ARHGEF28: variants seen among roughly 807,000 people sequenced by gnomAD.
The protein encoded by ARHGEF28 is 190 kDa guanine nucleotide exchange factor.
Under a neutral mutation model 206.6 loss-of-function variants are expected in ARHGEF28, and 152 were observed. The ratio of observed to expected loss-of-function variants is 0.74; its 90% CI spans 0.64 to 0.84. The LOEUF (loss-of-function observed/expected upper bound fraction) is 0.84, where lower values mean the gene tolerates loss of function less well. Among genes scored for constraint, ARHGEF28 ranks in the 40% least tolerant of loss-of-function variants. ARHGEF28 has a pLI of 0.00. For missense variants in ARHGEF28, 2,028 were observed against 2,073.2 expected (o/e 0.98, Z 0.42); for synonymous variants, 763 against 776.4 (o/e 0.98, Z 0.29).
chr5:73,643,175 A>T (rs1054350993), intron 1 of ARHGEF28, among the ~76,000 whole-genome samples: 11 of 152,226 alleles, frequency 7.2e-5, no homozygotes, highest in African/African-American at 2.7e-4. Flanking sequence ...GATGTTAAAG[A>T]CCAAAACAAA....
In ARHGEF28 at chr5:73,849,037, T is replaced by C. The variant is rs1297342516; in HGVS notation, c.1697T>C (p.Leu566Ser). The change falls in exon 13 of 36, where the codon TTA becomes TCA. Residue 566 changes from leucine to serine, a missense_variant. Coordinates refer to ENST00000513042, the MANE Select transcript of ARHGEF28 (RefSeq NM_001177693.2). ...TCTTGCTCATCACCCAAAATTTCTT[T>C]AGGAAAAACTCGTTTGGTGCGTGAA... ...SYSCSSPKIS[L>S]GKTRLVRELT... 3.2e-6 allele frequency: 5 copies of C among 1,579,342 alleles called. No homozygotes were observed. Among genetic ancestry groups the C allele is most frequent in the Non-Finnish European group, 4.3e-6 (5 of 1,160,480 alleles).
chr5:73,871,022 C>T (rs1760074987), intron 21 of ARHGEF28, among the ~76,000 whole-genome samples: 1 of 152,152 alleles, frequency 6.6e-6, no homozygotes, highest in Non-Finnish European at 1.5e-5. Flanking sequence ...TATGAGTGTG[C>T]TTAGAACTCT....
In ARHGEF28 at chr5:73,665,716, A is replaced by G. The variant is rs544912058; in HGVS notation, c.-11-19125A>G. ...TCATGATAATAAACCCACACCCATGATAATGACATTAATCCATTCATGAGG... is the reference window on the plus strand; with the variant it reads ...TCATGATAATAAACCCACACCCATGGTAATGACATTAATCCATTCATGAGG... On this transcript the variant is annotated intron_variant, in intron 1 of 35. Coordinates refer to ENST00000513042, the MANE Select transcript of ARHGEF28 (RefSeq NM_001177693.2). 3.3e-5 allele frequency among the ~76,000 whole-genome samples: 5 copies of G among 152,226 alleles called. No individual in the cohort carries two copies. The East Asian group carries it at 9.7e-4, about 29-fold the overall frequency.
chr5:73,741,028 C>T (rs1751345771), intron 2 of ARHGEF28, among the ~76,000 whole-genome samples: 1 of 152,112 alleles, frequency 6.6e-6, no homozygotes, highest in Admixed American at 6.6e-5. Flanking sequence ...AGAGTGATTA[C>T]AATTTTTCTT....
intron 35 of ARHGEF28, among the ~76,000 whole-genome samples, chr5:73,914,896 A>G (rs1763121223): frequency 6.6e-6 from 1 of 152,132 alleles, no homozygotes; most frequent in African/African-American, 2.4e-5. Flanking sequence ...GACTTGCACT[A>G]TGCCCAGCTA....
chr5:73,863,408 A>G lies in ARHGEF28; in HGVS notation c.2048-1409A>G, dbSNP rs544308877. ...TTCGTTGTATGACATCTATTTTATA[A>G]TTATACGCTTCCTCTTCTCCATATT... On this transcript the variant is annotated intron_variant, in intron 16 of 35. Coordinates refer to ENST00000513042, the MANE Select transcript of ARHGEF28 (RefSeq NM_001177693.2). 3.9e-5 allele frequency: 6 copies of G among 152,188 alleles called. No homozygotes were observed. In the South Asian group the frequency reaches 1.2e-3, roughly 32 times the overall value. The allele number at this position is 152,188 out of a possible 1,614,324, so 9.4% of individuals were successfully genotyped here.
intron 2 of ARHGEF28, among the ~76,000 whole-genome samples, chr5:73,709,760 T>C (rs1291143216): frequency 6.6e-6 from 1 of 152,192 alleles, no homozygotes; most frequent in Non-Finnish European, 1.5e-5. Context: ...TCATGAGCTG[T>C]TTGCTCATAG....
chr5:73,894,763 A>C (rs72772588), intron 29 of ARHGEF28, among the ~76,000 whole-genome samples, 188 bp downstream of exon 29: 1 of 152,366 alleles, frequency 6.6e-6, no homozygotes, highest in Non-Finnish European at 1.5e-5. Flanking sequence ...GGTTGTATCA[A>C]GTGCTATGAA....
At chr5:73,932,683 T>G (rs1764189128) in intron 35 of ARHGEF28, among the ~76,000 whole-genome samples, 2 of 152,116 alleles carry the variant, frequency 1.3e-5, no homozygotes, top group Admixed American at 6.5e-5. Flanking sequence ...ATTTTCAAAT[T>G]AAGTATTCAC....
intron 9 of ARHGEF28, among the ~76,000 whole-genome samples, chr5:73,801,065 A>G (rs949053107): frequency 2.0e-5 from 3 of 152,204 alleles, no homozygotes; most frequent in Non-Finnish European, 2.9e-5. Context: ...TTCTTATATT[A>G]ACCAAAAGTT....
chr5:73,872,945 C>A, intron 21 of ARHGEF28, 54 bp from the exon 22 acceptor site: 1 of 1,585,482 alleles, frequency 6.3e-7, no homozygotes, highest in Non-Finnish European at 8.6e-7. Flanking sequence ...AGTTTAATAG[C>A]GAAACTTGCT....
At chr5:73,773,810 T>C in intron 4 of ARHGEF28, 45 bp from the exon 5 acceptor site, 1 of 1,488,692 alleles carries the variant, frequency 6.7e-7, no homozygotes, top group South Asian at 1.4e-5. Context: ...AAAACAAACT[T>C]TGTAAATGGA....
intron 20 of ARHGEF28, 141 bp from the exon 21 acceptor site, chr5:73,869,928 C>A: frequency 1.0e-6 from 1 of 979,378 alleles, no homozygotes; most frequent in Non-Finnish European, 1.5e-6. Context: ...ATGTTTCACT[C>A]CATGTTAATA....
intron 1 of ARHGEF28, among the ~76,000 whole-genome samples, chr5:73,658,060 A>G (rs1386145395): frequency 6.6e-6 from 1 of 152,148 alleles, no homozygotes; most frequent in Admixed American, 6.5e-5. Flanking sequence ...ATTCTGAAAC[A>G]GAGTCCATCC....
chr5:73,748,652 G>T (rs764061536), intron 2 of ARHGEF28, among the ~76,000 whole-genome samples: 2 of 152,052 alleles, frequency 1.3e-5, no homozygotes, highest in African/African-American at 2.4e-5. Flanking sequence ...ATATCTTGGC[G>T]AGCAGGTTTG....
rs762064040 is a variant in ARHGEF28 at position 73,776,677 on chromosome 5, A to G, written c.821A>G (p.Asp274Gly). Residue 274 changes from aspartate to glycine, a missense_variant, in exon 6 of 36, where the codon GAT becomes GGT. Asp to Gly is a moderately conservative substitution (Grantham distance 94, BLOSUM62 -1). Transcript: ENST00000513042. Reference sequence around the variant, plus strand: ...AAACTCTTCCGGAAATACTTTTGGGATAGAGCCTTTCTTGTCAAGGTTTGT... The same window carrying G: ...AAACTCTTCCGGAAATACTTTTGGGGTAGAGCCTTTCTTGTCAAGGTTTGT... Reference protein sequence around the residue: ...DIKLFRKYFWDRAFLVKAFEP... With the variant: ...DIKLFRKYFWGRAFLVKAFEP... 4 of 1,613,102 alleles carry G rather than the reference A, an allele frequency of 2.5e-6. No individual in the cohort carries two copies. Among genetic ancestry groups the G allele is most frequent in the East Asian group, 4.5e-5 (2 of 44,884 alleles).
At chr5:73,705,324 C>T (rs543831332) in intron 2 of ARHGEF28, among the ~76,000 whole-genome samples, 103 of 152,318 alleles carry the variant, frequency 6.8e-4, no homozygotes, top group African/African-American at 2.2e-3. Context: ...TTACACTCTT[C>T]CTCCTCTGTT....
chr5:73,683,608 G>A (rs888020406), intron 1 of ARHGEF28, among the ~76,000 whole-genome samples: 1 of 151,832 alleles, frequency 6.6e-6, no homozygotes, highest in Non-Finnish European at 1.5e-5. Flanking sequence ...ATCCATCTGT[G>A]CTGTTTTTAA....
intron 10 of ARHGEF28, among the ~76,000 whole-genome samples, chr5:73,839,482 T>A (rs1757853809): frequency 6.6e-6 from 1 of 152,216 alleles, no homozygotes; most frequent in South Asian, 2.1e-4. Context: ...CACTCCAGAC[T>A]TGATGCCTTT....
Sources: gnomAD v4.1 joint callset for allele counts (sites outside exome capture counted in the v4.1 genomes callset) on GRCh38, gnomAD v4.1.1 for gene constraint, MANE v1.5 for transcripts, NCBI Gene and HGNC (gene_info 2026-07-23, HGNC 2026-07-21) for gene names.